Variants in RAPGEF4 observed in about 807,000 individuals in gnomAD.
The protein encoded by RAPGEF4 is RAP guanine-nucleotide-exchange factor (GEF) 4.
Under a neutral mutation model 147.9 loss-of-function variants are expected in RAPGEF4, and 66 were observed. That is an observed-to-expected ratio of 0.45 (90% CI 0.37 to 0.55). RAPGEF4 has a LOEUF of 0.55. Among genes scored for constraint, RAPGEF4 ranks in the 20% least tolerant of loss-of-function variants. RAPGEF4 has a pLI of 0.00. For missense variants in RAPGEF4, 1,071 were observed against 1,257.3 expected (o/e 0.85, Z 2.24); for synonymous variants, 419 against 442.7 (o/e 0.95, Z 0.67).
rs544674907 is a variant in RAPGEF4, at chr2:172,905,827, G to A, written c.445-11975G>A. On this transcript the variant is annotated intron_variant, in intron 4 of 30. Transcript: ENST00000397081. ...AATTAGGTATCACTGAAAGGGCTTC[G>A]AACTTATTTGTGCCCCATTATGCGG... Among the ~76,000 whole-genome samples the A allele has an allele frequency of 4.4e-4, 67 of 152,276 alleles. 3 individuals carry two copies. Among genetic ancestry groups the A allele is most frequent in the African/African-American group, 1.5e-3 (62 of 41,560 alleles).
At chr2:172,744,644 A>G (rs1434168396) in intron 1 of RAPGEF4, among the ~76,000 whole-genome samples, 1 of 152,154 alleles carries the variant, frequency 6.6e-6, no homozygotes, top group Non-Finnish European at 1.5e-5. Flanking sequence ...AGTTTTACTT[A>G]TTCTTTCTGA....
intron 1 of RAPGEF4, among the ~76,000 whole-genome samples, chr2:172,752,517 A>G (rs1464864279): frequency 6.6e-6 from 1 of 152,246 alleles, no homozygotes; most frequent in Non-Finnish European, 1.5e-5. Context: ...CCATATGTAC[A>G]TTAGACTTAT....
At chr2:172,963,550 C>T (rs1433654408) in intron 8 of RAPGEF4, among the ~76,000 whole-genome samples, 2 of 152,086 alleles carry the variant, frequency 1.3e-5, no homozygotes, top group East Asian at 1.9e-4. Flanking sequence ...AGTTAGAAAC[C>T]ATAATCTCTT....
At chr2:173,014,423 G>C in intron 17 of RAPGEF4, 41 bp from the exon 18 acceptor site, 1 of 1,611,322 alleles carries the variant, frequency 6.2e-7, no homozygotes, top group Non-Finnish European at 8.5e-7. Context: ...CATGTGAAAT[G>C]AGTGTGAAAT....
chr2:172,790,300 A>AT (rs1379163682), intron 1 of RAPGEF4, among the ~76,000 whole-genome samples: 11 of 152,114 alleles, frequency 7.2e-5, no homozygotes, highest in African/African-American at 2.4e-4. Flanking sequence ...TTAGATATTA[A>AT]TTTTTTTAAA....
intron 15 of RAPGEF4, among the ~76,000 whole-genome samples, chr2:172,995,852 A>G (rs957344358): frequency 6.6e-6 from 1 of 152,228 alleles, no homozygotes; most frequent in Non-Finnish European, 1.5e-5. Context: ...AATAAATTAT[A>G]AGGATTTTCT....
At chr2:172,788,892 T>TAAATA (rs137917661) in intron 1 of RAPGEF4, among the ~76,000 whole-genome samples, 18,127 of 150,594 alleles carry the variant, frequency 0.12, 1,168 homozygotes, top group South Asian at 0.17. Context: ...AGACCCTATC[T>TAAATA]AAATAAAATA....
At chr2:172,980,443 T>G (rs1030670764) in intron 10 of RAPGEF4, among the ~76,000 whole-genome samples, 2 of 152,054 alleles carry the variant, frequency 1.3e-5, no homozygotes, top group Non-Finnish European at 2.9e-5. Context: ...CCTTGGGGGC[T>G]GAACACAATA....
chr2:172,888,071 C>T (rs1697451697), intron 4 of RAPGEF4, among the ~76,000 whole-genome samples: 4 of 152,076 alleles, frequency 2.6e-5, no homozygotes, highest in African/African-American at 4.8e-5. Context: ...TCCGTGCATC[C>T]GTCCAGGAGC....
chr2:173,032,816 A>C (rs1040539256), intron 26 of RAPGEF4, among the ~76,000 whole-genome samples: 11 of 152,252 alleles, frequency 7.2e-5, no homozygotes, highest in African/African-American at 2.7e-4. Context: ...AAGAAGAGCC[A>C]TTCTGTGGAT....
chr2:173,018,866 T>C (rs939100747), intron 22 of RAPGEF4, 64 bp downstream of exon 22: 6 of 1,565,088 alleles, frequency 3.8e-6, no homozygotes, highest in Admixed American at 1.7e-5. Context: ...GCAGAAACTA[T>C]GTAAGGAGTT....
chr2:172,931,964 C>T lies in RAPGEF4; in HGVS notation c.537+9664C>T, dbSNP rs929486532. Among the ~76,000 whole-genome samples, 4 of 151,990 alleles carry T rather than the reference C, an allele frequency of 2.6e-5. No homozygotes were observed. In the South Asian group the frequency reaches 8.4e-4, roughly 32 times the overall value. ...TTTCCCCTTCCCGCCACTCCTCACA[C>T]CCCTTGACTCCCATGCGCCCCCCAC... On this transcript the variant is annotated intron_variant, in intron 6 of 30. Transcript: ENST00000397081.
In RAPGEF4 at chr2:172,926,024, AG is replaced by A. The variant is rs1243488139; in HGVS notation, c.537+3727del. The stretch of plus-strand genomic sequence containing the variant: ...AGGGAAAGAAAGGACGGAGGGAGGG[AG>A]GGAGGGACGGAGGGAGGGAGGGAGG... On this transcript the variant is annotated intron_variant, in intron 6 of 30. Coordinates refer to ENST00000397081, the MANE Select transcript of RAPGEF4 (RefSeq NM_007023.4). 3.8e-3 allele frequency among the ~76,000 whole-genome samples: 196 copies of A among 52,266 alleles called. 3 individuals are homozygous for A. The highest frequency in any genetic ancestry group is 5.4e-3 in the Non-Finnish European group (157 of 28,838). The allele number at this position is 52,266 out of a possible 152,430, so 34.3% of individuals were successfully genotyped here.
At chr2:172,957,465 C>T (rs1041262672) in intron 6 of RAPGEF4, among the ~76,000 whole-genome samples, 2 of 152,204 alleles carry the variant, frequency 1.3e-5, no homozygotes, top group Admixed American at 1.3e-4. Context: ...TGACTATTTC[C>T]AGGGATGTGG....
chr2:173,041,313 C>G (rs12619395), intron 29 of RAPGEF4, among the ~76,000 whole-genome samples: 6,245 of 152,200 alleles, frequency 0.041, 188 homozygotes, highest in Admixed American at 0.081. Flanking sequence ...ACCCTATTCC[C>G]AGAGCTCTCC....
chr2:172,959,229 G>A (rs372633034), intron 6 of RAPGEF4, among the ~76,000 whole-genome samples: 2 of 152,198 alleles, frequency 1.3e-5, no homozygotes, highest in Admixed American at 1.3e-4. Flanking sequence ...GCAGGGCTGC[G>A]TTCATCTGGA....
intron 8 of RAPGEF4, among the ~76,000 whole-genome samples, chr2:172,961,734 G>C (rs1014420309): frequency 6.6e-6 from 1 of 152,176 alleles, no homozygotes; most frequent in Non-Finnish European, 1.5e-5. Flanking sequence ...TTTAAACCAA[G>C]GTTGGTTGAT....
At chr2:172,809,416 C>T (rs1156872682) in intron 3 of RAPGEF4, among the ~76,000 whole-genome samples, 6 of 152,180 alleles carry the variant, frequency 3.9e-5, no homozygotes, top group African/African-American at 1.4e-4. Flanking sequence ...GGGTACCCAG[C>T]AGGTTATCAA....
intron 4 of RAPGEF4, among the ~76,000 whole-genome samples, chr2:172,884,432 G>A (rs1696957895): frequency 1.3e-5 from 2 of 152,298 alleles, no homozygotes; most frequent in South Asian, 2.1e-4. Flanking sequence ...TGCAACATCA[G>A]TACTGAATTT....
Sources: allele counts gnomAD v4.1 joint callset (sites outside exome capture counted in the v4.1 genomes callset), GRCh38; gene constraint gnomAD v4.1.1; transcripts MANE v1.5; gene names NCBI Gene and HGNC (gene_info 2026-07-23, HGNC 2026-07-21).